TOP3A: variants seen among roughly 807,000 people sequenced by gnomAD.
TOP3A encodes DNA topoisomerase 3-alpha.
A neutral mutation model predicts 111.3 loss-of-function variants in TOP3A; 64 were observed. That is an observed-to-expected ratio of 0.57 (90% confidence interval 0.47 to 0.71). TOP3A has a LOEUF of 0.71. Ranked by LOEUF, TOP3A falls within the 30% of genes least tolerant of loss-of-function variation. The pLI, the probability that TOP3A is intolerant of heterozygous loss-of-function variation, is 0.00. For synonymous variants in TOP3A, 484 were observed against 485.1 expected, an observed-to-expected ratio of 1.00 and a Z score of 0.03; for missense variants, 1,104 against 1,285.0, an observed-to-expected ratio of 0.86 and a Z score of 2.15.
In TOP3A at chr17:18,292,773, G is replaced by A. The variant is rs139068958; in HGVS notation, c.1153C>T (p.Pro385Ser). The A allele has an allele frequency of 1.1e-4, 184 of 1,613,966 alleles. No homozygotes were observed. The highest frequency in any genetic ancestry group is 1.5e-4 in the Non-Finnish European group (179 of 1,179,992). The change falls in exon 11 of 19, where the codon CCC becomes TCC. Residue 385 changes from proline (P) to serine (S), a missense_variant. Coordinates refer to ENST00000321105, the MANE Select transcript of TOP3A (RefSeq NM_004618.5). ...GCAAAGGCCCCCCAGCGTGGATCGG[G>A]GGTCTGCTGTTCCACCAACACCGTC... ...NLTVLVEQQT[P>S]DPRWGAFAQS...
intron 9 of TOP3A, among the ~76,000 whole-genome samples, chr17:18,295,732 T>A (rs1181135570): frequency 6.6e-6 from 1 of 152,068 alleles, no homozygotes; most frequent in Non-Finnish European, 1.5e-5. Flanking sequence ...GTGCTGTGAT[T>A]ACAGGCGTGA....
At chr17:18,290,814 C>T (rs774070831) in intron 12 of TOP3A, 28 bp downstream of exon 12, 18 of 1,609,388 alleles carry the variant, frequency 1.1e-5, no homozygotes, top group Non-Finnish European at 1.5e-5. Context: ...AACTGTCCTC[C>T]CTCTCACTGG....
At chr17:18,287,723 G>T (rs1980194976) in intron 13 of TOP3A, among the ~76,000 whole-genome samples, 1 of 152,034 alleles carries the variant, frequency 6.6e-6, no homozygotes, top group South Asian at 2.1e-4. Context: ...GGCCGGGCAT[G>T]GTGGCTAACA....
Position 18,277,534 on chromosome 17 carries a change from GAA to G in TOP3A, c.2827+139_2827+140del, listed in dbSNP as rs1374360693. ...ACCTTGCTGAAAGTGATCAAGTGAG[GAA>G]AAGTGAGGTGCAAGGCAGCCCAGGT... On this transcript the variant is annotated intron_variant, in intron 18 of 18. Coordinates refer to ENST00000321105, the MANE Select transcript of TOP3A (RefSeq NM_004618.5). The G allele has an allele frequency of 5.8e-6, 5 of 854,782 alleles. No homozygotes were observed. The East Asian group carries it at 1.3e-4, about 22-fold the overall frequency. The allele number at this position is 854,782 out of a possible 1,614,324, so 52.9% of individuals were successfully genotyped here.
intron 9 of TOP3A, among the ~76,000 whole-genome samples, chr17:18,298,041 T>C (rs949518589): frequency 7.0e-6 from 1 of 142,724 alleles, no homozygotes; most frequent in African/African-American, 2.7e-5. Flanking sequence ...CGGCCGCCCA[T>C]CGTCTGAGAT....
chr17:18,312,397 T>C (rs991938480), intron 1 of TOP3A: 1 of 152,630 alleles, frequency 6.6e-6, no homozygotes, highest in African/African-American at 2.4e-5. Context: ...CTGCCTGTGC[T>C]GTGTCCTAAG....
intron 7 of TOP3A, 56 bp downstream of exon 7, chr17:18,302,208 C>A (rs546597334): frequency 1.3e-6 from 2 of 1,541,080 alleles, no homozygotes; most frequent in Non-Finnish European, 1.8e-6. Context: ...TCACAGTCCC[C>A]CTCCTTAACC....
chr17:18,298,644 G>C (rs1234697155), intron 9 of TOP3A, among the ~76,000 whole-genome samples: 1 of 151,852 alleles, frequency 6.6e-6, no homozygotes, highest in Non-Finnish European at 1.5e-5. Flanking sequence ...TTGAGAAATC[G>C]GATGGTTGCC....
chr17:18,279,778 C>A (rs1979638521), intron 17 of TOP3A, among the ~76,000 whole-genome samples: 1 of 152,202 alleles, frequency 6.6e-6, no homozygotes, highest in Non-Finnish European at 1.5e-5. Context: ...GCCTAGACCT[C>A]TAGGATCAAG....
chr17:18,294,704 C>CAAAAG lies in TOP3A; in HGVS notation c.1071_1072insCTTTT (p.Gly358LeufsTer19). 6.2e-7 allele frequency: 1 copy of CAAAAG among 1,609,810 alleles called. No homozygotes were observed. The highest frequency in any genetic ancestry group is 8.5e-7 in the Non-Finnish European group (1 of 1,176,204). ...TACTCCCAAACCCAAAATACTTACC[C>CAAAAG]TTGAGTGTAGAGCTTCTCAGCAATC... On this transcript the variant is annotated frameshift_variant and splice_region_variant, in exon 10 of 19. Transcript: ENST00000321105. LOFTEE classifies it high-confidence loss of function.
In TOP3A at chr17:18,277,944, T is replaced by C. The variant is rs201942380; in HGVS notation, c.2558A>G (p.Asn853Ser). Reference protein sequence around the residue: ...CNFFLWADSPNPGAGGPPALA... With the variant: ...CNFFLWADSPSPGAGGPPALA... ...GGCAGGAGGCCCTCCTGCTCCCGGA[T>C]TGGGGCTGTCTGCCCACAGGAAGAA... Residue 853 changes from asparagine (N) to serine (S), a missense_variant, in exon 18 of 19, where the codon AAT (asparagine) becomes AGT (serine). Physicochemically the swap from Asn to Ser is conservative, Grantham distance 46 (BLOSUM62 1). Transcript: ENST00000321105. 1.8e-4 allele frequency: 296 copies of C among 1,613,958 alleles called. No individual in the cohort carries two copies. Among genetic ancestry groups the C allele is most frequent in the Admixed American group, 1.4e-3 (84 of 60,034 alleles).
chr17:18,280,784 C>T (rs1306522105), intron 16 of TOP3A, 126 bp from the exon 17 acceptor site: 3 of 1,079,080 alleles, frequency 2.8e-6, no homozygotes, highest in African/African-American at 3.1e-5. Context: ...TGACACTTAA[C>T]TGGATACACA....
Position 18,274,060 on chromosome 17 carries a change from C to T in TOP3A, c.*742G>A. 6.6e-6 allele frequency: 1 copy of T among 152,394 alleles called. No individual in the cohort carries two copies. The highest frequency in any genetic ancestry group is 1.5e-5 in the Non-Finnish European group (1 of 68,104). 9.4% of individuals were successfully genotyped at this position (152,394 alleles called of 1,614,324 possible). ...CAAGCAATTCTCCTGCCTCAGCCTC[C>T]TGAGTAGCCGGGTCTACAGGCGCAC... is the stretch of plus-strand genomic sequence containing the variant. On this transcript the variant is annotated 3_prime_UTR_variant, in exon 19 of 19. Transcript: ENST00000321105.
intron 17 of TOP3A, among the ~76,000 whole-genome samples, chr17:18,279,501 C>CTGT (rs1979618420): frequency 1.1e-5 from 1 of 87,106 alleles, no homozygotes; most frequent in South Asian, 2.7e-4. Context: ...CGTGATCCAC[C>CTGT]CACCTCGGCC....
intron 3 of TOP3A, among the ~76,000 whole-genome samples, chr17:18,308,027 C>T (rs1228399907): frequency 6.6e-6 from 1 of 150,788 alleles, no homozygotes; most frequent in Non-Finnish European, 1.5e-5. Context: ...GCCTGGTCAA[C>T]ATGGTGAAAC....
Position 18,273,148 on chromosome 17 carries a change from C to T in TOP3A, c.*1654G>A, listed in dbSNP as rs1979101745. On this transcript the variant is annotated 3_prime_UTR_variant, in exon 19 of 19. Transcript: ENST00000321105. ...AATCCTCCCCAATACCCCATCAGAA[C>T]ACAGAGCCACTGGTCTATGGGCCAG... The T allele has an allele frequency of 6.6e-6, 1 of 152,204 alleles. No homozygotes were observed. Among genetic ancestry groups the T allele is most frequent in the Non-Finnish European group, 1.5e-5 (1 of 68,050 alleles). 9.4% of individuals were successfully genotyped at this position (152,204 alleles called of 1,614,324 possible).
Position 18,292,956 on chromosome 17 carries a change from T to C in TOP3A, c.1074-104A>G. ...AACACCTGCAAACACTCATCTGATG[T>C]AGCCAACTCAACTGAAGGCAGCCTA... On this transcript the variant is annotated intron_variant, in intron 10 of 18. Transcript: ENST00000321105. 7 of 1,139,070 alleles carry C rather than the reference T, an allele frequency of 6.1e-6. No homozygotes were observed. In the South Asian group the frequency reaches 1.2e-4, roughly 19 times the overall value. The allele number at this position is 1,139,070 out of a possible 1,614,324, so 70.6% of individuals were successfully genotyped here. A position where few individuals can be genotyped will look rare whatever the true frequency, so the allele number is the denominator to read the frequency against.
At chr17:18,280,295 A>G (rs1277369142) in intron 17 of TOP3A, 6 of 352,006 alleles carry the variant, frequency 1.7e-5, no homozygotes, top group Non-Finnish European at 2.6e-5. Flanking sequence ...GCAGGGAAAG[A>G]GCCCTTCATG....
chr17:18,294,073 T>TGTATATGACTGGGGC (rs1980644987), intron 10 of TOP3A, among the ~76,000 whole-genome samples: 1 of 152,030 alleles, frequency 6.6e-6, no homozygotes, highest in Non-Finnish European at 1.5e-5. Context: ...AGTGCTGGGG[T>TGTATATGACTGGGGC]GTATATGACT....
Sources: allele counts gnomAD v4.1 joint callset (sites outside exome capture counted in the v4.1 genomes callset), GRCh38; gene constraint gnomAD v4.1.1; transcripts MANE v1.5; gene names NCBI Gene and HGNC (gene_info 2026-07-23, HGNC 2026-07-21).